Variants in MAOB observed in about 807,000 individuals in gnomAD.
MAOB encodes the protein monoamine oxidase B.
In MAOB, 15 loss-of-function variants were observed where a neutral mutation model predicts 41.9. The observed-to-expected ratio is 0.36, with a 90% confidence interval of 0.24 to 0.55. The LOEUF is 0.55. Among genes scored for constraint, MAOB ranks in the 20% least tolerant of loss-of-function variants. The pLI, the probability that MAOB is intolerant of heterozygous loss-of-function variation, is 0.86. For missense variants in MAOB, 345 were observed against 398.7 expected, an observed-to-expected ratio of 0.87 and a Z score of 1.15; for synonymous variants, 167 against 144.2, an observed-to-expected ratio of 1.16 and a Z score of -1.13.
At chrX:43,818,846 G>A (rs1222680807) in intron 3 of MAOB, among the ~76,000 whole-genome samples, 1 of 112,339 alleles carries the variant, frequency 8.9e-6, no homozygotes, top group African/African-American at 3.2e-5. Context: ...CAAAGTCCTG[G>A]AGAGGCAGGT....
intron 3 of MAOB, among the ~76,000 whole-genome samples, chrX:43,824,031 C>T (rs778202464): frequency 8.9e-6 from 1 of 112,274 alleles, no homozygotes; most frequent in African/African-American, 3.2e-5. Context: ...ATGACAACTG[C>T]GGGTTGGTCT....
At chrX:43,790,369 A>T (rs2034447776) in intron 8 of MAOB, among the ~76,000 whole-genome samples, 1 of 112,002 alleles carries the variant, frequency 8.9e-6, no homozygotes, top group Non-Finnish European at 1.9e-5. Context: ...TGGTGTTTCT[A>T]TAATAGCCTA....
At chrX:43,856,403 G>A (rs1008742490) in intron 1 of MAOB, among the ~76,000 whole-genome samples, 5 of 111,966 alleles carry the variant, frequency 4.5e-5, no homozygotes, top group Non-Finnish European at 9.4e-5. Flanking sequence ...TTTTAATTCT[G>A]ATAAAAGAAC....
At chrX:43,847,067 G>T (rs1005790919) in intron 1 of MAOB, among the ~76,000 whole-genome samples, 1 of 112,417 alleles carries the variant, frequency 8.9e-6, no homozygotes, top group Non-Finnish European at 1.9e-5. Flanking sequence ...ATACTGGCCA[G>T]GCACGGTGGC....
chrX:43,868,023 A>G (rs952696086), intron 1 of MAOB, among the ~76,000 whole-genome samples: 1 of 112,198 alleles, frequency 8.9e-6, no homozygotes, highest in African/African-American at 3.2e-5. Context: ...ACATATATTC[A>G]ATGGAATTTT....
chrX:43,877,185 C>G (rs918310786), intron 1 of MAOB, among the ~76,000 whole-genome samples: 14 of 112,155 alleles, frequency 1.2e-4, no homozygotes, highest in African/African-American at 4.2e-4. Flanking sequence ...AGTGGTGGAA[C>G]CAGGGTAGAC....
At chrX:43,830,502 G>A (rs904475314) in intron 3 of MAOB, among the ~76,000 whole-genome samples, 1 of 112,223 alleles carries the variant, frequency 8.9e-6, no homozygotes, top group Non-Finnish European at 1.9e-5. Flanking sequence ...GATTTAGCCT[G>A]TTTGGGCATG....
chrX:43,804,427 T>A (rs1337272703), intron 3 of MAOB, among the ~76,000 whole-genome samples: 1 of 109,444 alleles, frequency 9.1e-6, no homozygotes, highest in Non-Finnish European at 1.9e-5. Context: ...CAGCCAGGAT[T>A]CCTTAGAGAA....
intron 1 of MAOB, among the ~76,000 whole-genome samples, chrX:43,876,380 TTGGAGAGGGAAGAGTATGGTGTTTC>T (rs1311761791): frequency 1.8e-5 from 2 of 112,546 alleles, no homozygotes; most frequent in Non-Finnish European, 3.7e-5. Flanking sequence ...AGGAATTTTT[TTGGAGAGGGAAGAGTATGGTGTTTC>T]TGGAAACGTG....
At chrX:43,784,442 C>T (rs1183640263) in intron 8 of MAOB, among the ~76,000 whole-genome samples, 1 of 112,497 alleles carries the variant, frequency 8.9e-6, no homozygotes, top group African/African-American at 3.2e-5. Flanking sequence ...CAACAATAAT[C>T]TCCTTGCACA....
chrX:43,814,407 C>T (rs1240335685), intron 3 of MAOB, among the ~76,000 whole-genome samples: 3 of 111,915 alleles, frequency 2.7e-5, no homozygotes, highest in Non-Finnish European at 5.6e-5. Context: ...TATCCATCAG[C>T]GCAAAGTATA....
rs2034520438 is a variant in MAOB, at chrX:43,795,807, G to A, written c.700C>T (p.Pro234Ser). The A allele has an allele frequency of 1.7e-6, 2 of 1,210,339 alleles. No homozygotes were observed. The highest frequency in any genetic ancestry group is 2.2e-6 in the Non-Finnish European group (2 of 894,355). Residue 234 changes from proline (P) to serine (S), a missense_variant, in exon 7 of 15, where the codon CCT becomes TCT. By Grantham distance (74) the Pro-to-Ser change is moderately conservative. Transcript: ENST00000378069. ...LLGDRVKLER[P>S]VIYIDQTREN... Reference sequence around the variant, plus strand: ...CTTGTCTGGTCAATGTAGATCACAGGCCTCTCCAGCTTCACTCGGTCTCCA... The same window carrying A: ...CTTGTCTGGTCAATGTAGATCACAGACCTCTCCAGCTTCACTCGGTCTCCA...
chrX:43,795,850 C>T lies in MAOB; in HGVS notation c.657G>A (p.Glu219=), dbSNP rs765177782. The T allele has an allele frequency of 5.8e-6, 7 of 1,210,288 alleles. No individual in the cohort carries two copies. The South Asian group carries it at 7.0e-5, about 12-fold the overall frequency. ...KFVGGSGQVS[E]RIMDLLGDRV... ...GGTCTCCAAGGAGGTCCATTATCCG[C>T]TCACTCACTTGACCAGATCCGCCCA... Residue 219 remains glutamate, a synonymous_variant, in exon 7 of 15, where the codon GAG becomes GAA. Coordinates refer to ENST00000378069, the MANE Select transcript of MAOB (RefSeq NM_000898.5).
rs200213304 is a variant in MAOB at position 43,838,848 on chromosome X, A to G, written c.279+20T>C. The G allele has an allele frequency of 3.3e-4, 378 of 1,159,790 alleles. 1 individual carries two copies. The East Asian group carries it at 9.3e-3, about 29-fold the overall frequency. ...TCATAGAGAAGTTTTCAAATCCTTCAAAGTCTGGCCTGATCTTACCTTTAC... is the reference window on the plus strand; with the variant it reads ...TCATAGAGAAGTTTTCAAATCCTTCGAAGTCTGGCCTGATCTTACCTTTAC... On this transcript the variant is annotated intron_variant, in intron 3 of 14. Coordinates refer to ENST00000378069, the MANE Select transcript of MAOB (RefSeq NM_000898.5).
At chrX:43,829,780 T>C (rs1048604550) in intron 3 of MAOB, among the ~76,000 whole-genome samples, 9 of 112,304 alleles carry the variant, frequency 8.0e-5, no homozygotes, top group Admixed American at 6.6e-4. Context: ...TTTAGACATA[T>C]GTTTTGTACG....
intron 1 of MAOB, among the ~76,000 whole-genome samples, chrX:43,848,773 C>T (rs192879876): frequency 1.8e-5 from 2 of 111,596 alleles, no homozygotes; most frequent in East Asian, 2.8e-4. Context: ...AGCCTGGTCT[C>T]GAACACCTGA....
intron 1 of MAOB, among the ~76,000 whole-genome samples, chrX:43,881,139 G>A (rs1311528152): frequency 8.8e-6 from 1 of 113,161 alleles, no homozygotes; most frequent in African/African-American, 3.2e-5. Context: ...CACCCAAAGG[G>A]GAGAAAGGCT....
intron 14 of MAOB, 78 bp from the exon 15 acceptor site, chrX:43,767,696 C>T: frequency 1.0e-6 from 1 of 960,822 alleles, no homozygotes; most frequent in Non-Finnish European, 1.4e-6. Flanking sequence ...CTCCAGCTCT[C>T]TGAACATGAC....
At chrX:43,797,405 T>G in intron 5 of MAOB, 139 bp from the exon 6 acceptor site, 1 of 406,264 alleles carries the variant, frequency 2.5e-6, no homozygotes. Context: ...CACTAGAATC[T>G]AATATTACAA....
Sources: gnomAD v4.1 joint callset for allele counts (sites outside exome capture counted in the v4.1 genomes callset) on GRCh38, gnomAD v4.1.1 for gene constraint, MANE v1.5 for transcripts, NCBI Gene and HGNC (gene_info 2026-07-23, HGNC 2026-07-21) for gene names.